The following GSE1 variants were observed in gnomAD, a reference collection of about 807,000 sequenced individuals.
GSE1 encodes Gse1 coiled-coil protein, also known as genetic suppressor element 1.
Under a neutral mutation model 112.6 loss-of-function variants are expected in GSE1, and 32 were observed. The ratio of observed to expected loss-of-function variants is 0.28; its 90% CI spans 0.21 to 0.38. The LOEUF (loss-of-function observed/expected upper bound fraction) is 0.38, where lower values mean the gene tolerates loss of function less well. Among genes scored for constraint, GSE1 ranks in the 10% least tolerant of loss-of-function variants. The pLI is 1.00. For synonymous variants in GSE1, 1,115 were observed against 735.6 expected (o/e 1.52, Z -8.35); for missense variants, 2,348 against 1,699.2 (o/e 1.38, Z -6.71).
At chr16:85,396,070 A>T (rs1479240760) in intron 2 of GSE1, among the ~76,000 whole-genome samples, 1 of 152,220 alleles carries the variant, frequency 6.6e-6, no homozygotes, top group African/African-American at 2.4e-5. Flanking sequence ...AAGGCTGATG[A>T]AAGCTTCAGC....
chr16:85,668,311 CGGA>C lies in GSE1; in HGVS notation c.3312_3314del (p.Glu1107del), dbSNP rs546302698. On this transcript the variant is annotated inframe_deletion, in exon 14 of 16. Coordinates refer to ENST00000253458, the MANE Select transcript of GSE1 (RefSeq NM_014615.5). ...CCAACCCAGGAGTTGGACCGGGACTCGGAGGAGGAGGAAGAGGAGGATGATGAA... is the reference window on the plus strand; with the variant it reads ...CCAACCCAGGAGTTGGACCGGGACTCGGAGGAGGAAGAGGAGGATGATGAA... The C allele has an allele frequency of 6.9e-5, 112 of 1,612,452 alleles. 1 individual carries two copies. The highest frequency in any genetic ancestry group is 6.5e-4 in the South Asian group (59 of 91,030).
At chr16:85,345,311 C>G (rs1289404839) in intron 1 of GSE1, among the ~76,000 whole-genome samples, 2 of 152,248 alleles carry the variant, frequency 1.3e-5, no homozygotes, top group Admixed American at 1.3e-4. Context: ...AACAGCCACA[C>G]ATGTTCATTT....
intron 1 of GSE1, among the ~76,000 whole-genome samples, chr16:85,233,450 C>T (rs941033137): frequency 4.6e-5 from 7 of 152,140 alleles, no homozygotes; most frequent in African/African-American, 9.7e-5. Context: ...TCCAGGGCCC[C>T]GTTCTCTCCT....
At chr16:85,279,438 C>G (rs111481733) in intron 1 of GSE1, among the ~76,000 whole-genome samples, 9 of 152,150 alleles carry the variant, frequency 5.9e-5, no homozygotes, top group Non-Finnish European at 2.9e-5. Flanking sequence ...AAGACCCTGT[C>G]TCTACAAAAA....
chr16:85,294,088 C>A lies in GSE1; in HGVS notation c.2284-63375C>A, dbSNP rs2045295902. Among the ~76,000 whole-genome samples the A allele has an allele frequency of 1.3e-5, 2 of 152,184 alleles. 1 individual carries two copies. The highest frequency in any genetic ancestry group is 4.8e-5 in the African/African-American group (2 of 41,448). On this transcript the variant is annotated intron_variant, in intron 1 of 2. Transcript: ENST00000637419. The stretch of plus-strand genomic sequence containing the variant: ...AATGAGAAAACACCGGCAAAGACTC[C>A]AGAGCATAGCCTGGCTCCCCGCAAC...
At chr16:85,616,877 G>C (rs142884412) in intron 1 of GSE1, among the ~76,000 whole-genome samples, 1 of 152,302 alleles carries the variant, frequency 6.6e-6, no homozygotes, top group East Asian at 1.9e-4. Flanking sequence ...CCAGCCGTGT[G>C]CTTGCTGCTG....
intron 1 of GSE1, among the ~76,000 whole-genome samples, chr16:85,284,681 A>T (rs559282199): frequency 1.3e-5 from 2 of 152,262 alleles, no homozygotes; most frequent in East Asian, 3.9e-4. Flanking sequence ...CCACAGTAGG[A>T]TGTGATCGTT....
At chr16:85,182,901 A>G (rs1222104064) in intron 1 of GSE1, among the ~76,000 whole-genome samples, 1 of 151,788 alleles carries the variant, frequency 6.6e-6, no homozygotes, top group Admixed American at 6.6e-5. Context: ...TCCCTCTCGC[A>G]CACACGCACC....
intron 2 of GSE1, among the ~76,000 whole-genome samples, chr16:85,385,007 G>T (rs545016412): frequency 1.3e-5 from 2 of 152,194 alleles, no homozygotes; most frequent in Non-Finnish European, 2.9e-5. Flanking sequence ...GGATTGGCTC[G>T]GCCAGATGCT....
intron 2 of GSE1, among the ~76,000 whole-genome samples, chr16:85,403,191 C>A (rs1365869647): frequency 6.6e-6 from 1 of 152,150 alleles, no homozygotes; most frequent in East Asian, 1.9e-4. Flanking sequence ...GGATCCTGTG[C>A]TATCAGGCAA....
chr16:85,190,867 C>T (rs750769332), intron 1 of GSE1, among the ~76,000 whole-genome samples: 1 of 152,250 alleles, frequency 6.6e-6, no homozygotes, highest in African/African-American at 2.4e-5. Flanking sequence ...TGAGCAGCAT[C>T]CTGCAGACCC....
chr16:85,369,617 G>A (rs2047253509), intron 2 of GSE1, among the ~76,000 whole-genome samples: 1 of 152,108 alleles, frequency 6.6e-6, no homozygotes, highest in African/African-American at 2.4e-5. Context: ...GACAGTCCAG[G>A]ATACTCTCCC....
intron 1 of GSE1, among the ~76,000 whole-genome samples, chr16:85,346,062 C>T (rs1490083432): frequency 7.3e-6 from 1 of 136,086 alleles, no homozygotes; most frequent in Non-Finnish European, 1.5e-5. Context: ...GGTGGATGAA[C>T]AATGGATAGG....
chr16:85,571,004 T>C (rs959018691), intron 1 of GSE1, among the ~76,000 whole-genome samples: 2 of 152,208 alleles, frequency 1.3e-5, no homozygotes, highest in African/African-American at 4.8e-5. Context: ...CGTTGGTTAC[T>C]TTTGAAAAGG....
At chr16:85,233,414 C>T (rs1597860956) in intron 1 of GSE1, among the ~76,000 whole-genome samples, 2 of 152,176 alleles carry the variant, frequency 1.3e-5, no homozygotes, top group African/African-American at 4.8e-5. Context: ...CGGGGTGGTT[C>T]GGCCTTTGGG....
chr16:85,398,514 G>A (rs2048018394), intron 2 of GSE1, among the ~76,000 whole-genome samples: 1 of 152,146 alleles, frequency 6.6e-6, no homozygotes, highest in African/African-American at 2.4e-5. Context: ...AACCCCCTGA[G>A]GCTGTGGTGA....
chr16:85,504,531 C>T (rs979123290), intron 2 of GSE1, among the ~76,000 whole-genome samples: 1 of 152,052 alleles, frequency 6.6e-6, no homozygotes, highest in Non-Finnish European at 1.5e-5. Context: ...AGTGTGAAGC[C>T]GACGAGTCTT....
intron 1 of GSE1, among the ~76,000 whole-genome samples, chr16:85,271,464 G>A (rs556660281): frequency 2.6e-5 from 4 of 152,370 alleles, no homozygotes; most frequent in South Asian, 2.1e-4. Context: ...GGGGAAGTAT[G>A]AATGTGGTTC....
rs560227620 is a variant in GSE1, at chr16:85,373,429, G to A, written c.2464+15786G>A. On this transcript the variant is annotated intron_variant, in intron 2 of 2. Coordinates refer to the GSE1 transcript ENST00000637419. This position sits in a 1 kb window ranked among gnomAD's most constrained non-coding sequence, Gnocchi z 5.1. ...AGAAAGCAAGGGAGGGAAGAGCAGA[G>A]GAGGGGAGGGGACGAGAACCTCTCC... Among the ~76,000 whole-genome samples the A allele has an allele frequency of 3.3e-5, 5 of 152,284 alleles. No homozygotes were observed. The highest frequency in any genetic ancestry group is 6.5e-5 in the Admixed American group (1 of 15,304).
Sources: allele counts gnomAD v4.1 joint callset (sites outside exome capture counted in the v4.1 genomes callset), GRCh38; gene constraint gnomAD v4.1.1; non-coding constraint Gnocchi (gnomAD v3.1); transcripts MANE v1.5; gene names NCBI Gene and HGNC (gene_info 2026-07-23, HGNC 2026-07-21).